SPATC1: variants seen among roughly 807,000 people sequenced by gnomAD.
The protein encoded by SPATC1 is spermatogenesis and centriole associated 1, also known as speriolin.
In SPATC1, 35 loss-of-function variants were observed where a neutral mutation model predicts 36.5. The ratio of observed to expected loss-of-function variants is 0.96; its 90% confidence interval spans 0.73 to 1.27. The LOEUF is 1.27. Ranked by LOEUF, SPATC1 falls within the 50% of genes most tolerant of loss-of-function variation. The pLI, the probability that SPATC1 is intolerant of heterozygous loss-of-function variation, is 0.00. For synonymous variants in SPATC1, 361 were observed against 353.6 expected, an observed-to-expected ratio of 1.02 and a Z score of -0.24; for missense variants, 779 against 796.0, an observed-to-expected ratio of 0.98 and a Z score of 0.26.
intron 4 of SPATC1, among the ~76,000 whole-genome samples, chr8:144,044,936 G>C (rs141718994): frequency 6.6e-5 from 10 of 152,282 alleles, no homozygotes; most frequent in Admixed American, 2.0e-4. Context: ...GCAACACAGC[G>C]AGACTCCGTC....
At chr8:144,041,875 T>G in intron 4 of SPATC1, 1 of 852,194 alleles carries the variant, frequency 1.2e-6, no homozygotes, top group Non-Finnish European at 1.4e-6. Flanking sequence ...GTGTGTAGCC[T>G]AAGCGGGAGC....
In SPATC1 at chr8:144,013,200, G is replaced by A. The variant is rs111915062; in HGVS notation, c.211+474G>A. 1.6e-3 allele frequency among the ~76,000 whole-genome samples: 237 copies of A among 152,182 alleles called. 1 individual carries two copies. Among genetic ancestry groups the A allele is most frequent in the Non-Finnish European group, 2.7e-3 (186 of 68,006 alleles). On this transcript the variant is annotated intron_variant, in intron 1 of 4. Transcript: ENST00000377470. Reference sequence around the variant, plus strand: ...CCACCTCTGCATGGCATCTGAGATCGATAGCCCTCCTCCATGACCCTCTTT... The same window carrying A: ...CCACCTCTGCATGGCATCTGAGATCAATAGCCCTCCTCCATGACCCTCTTT...
At position 144,040,336 on chromosome 8, in the gene SPATC1, G is replaced by T; in HGVS notation, c.639G>T (p.Leu213=). Residue 213 remains leucine (L), a synonymous_variant, in exon 2 of 5, where the codon CTG becomes CTT. Transcript: ENST00000377470. The part of the protein sequence containing the change: ...TATPPGVSQN[L]LANPMSNLVL... ...CCCCACCAGGGGTCTCTCAGAACCTGCTGGCCAACCCCATGAGCAACCTGG... is the reference window on the plus strand; with the variant it reads ...CCCCACCAGGGGTCTCTCAGAACCTTCTGGCCAACCCCATGAGCAACCTGG... 1 of 1,612,698 alleles carries T rather than the reference G, an allele frequency of 6.2e-7. No individual in the cohort carries two copies. Among genetic ancestry groups the T allele is most frequent in the Admixed American group, 1.7e-5 (1 of 60,012 alleles).
Position 144,046,900 on chromosome 8 carries a change from C to G in SPATC1, c.1720C>G (p.Leu574Val). The G allele has an allele frequency of 6.3e-7, 1 of 1,599,186 alleles. No homozygotes were observed. Among genetic ancestry groups the G allele is most frequent in the Non-Finnish European group, 8.5e-7 (1 of 1,179,700 alleles). ...PGMLADALLL[L>V]SCLSQLAHDD... ...CATGCTCGCCGACGCGCTGCTGCTG[C>G]TCTCCTGCCTCAGCCAGCTGGCGCA... The change falls in exon 5 of 5, where the codon CTC becomes GTC. Residue 574 changes from leucine to valine, a missense_variant. Coordinates refer to ENST00000377470, the MANE Select transcript of SPATC1 (RefSeq NM_198572.3). This position sits in a 1 kb window ranked among gnomAD's most constrained non-coding sequence, Gnocchi z 6.6.
Position 144,040,913 on chromosome 8 carries a change from C to T in SPATC1, c.1112C>T (p.Ser371Phe), listed in dbSNP as rs1564279413. 1 of 1,592,834 alleles carries T rather than the reference C, an allele frequency of 6.3e-7. No individual in the cohort carries two copies. Among genetic ancestry groups the T allele is most frequent in the Non-Finnish European group, 8.6e-7 (1 of 1,167,966 alleles). ...CATCCCCCTTCCCGAATGCATAATT[C>T]CCCAACCCAGAACCTGCCTGTCCCC... is the stretch of plus-strand genomic sequence containing the variant. ...APHPPSRMHNSPTQNLPVPHC... is the reference protein window; with the variant it reads ...APHPPSRMHNFPTQNLPVPHC... Residue 371 changes from serine to phenylalanine, a missense_variant, in exon 3 of 5, where the codon TCC (serine) becomes TTC (phenylalanine). Transcript: ENST00000377470.
At chr8:144,024,780 CCT>C (rs1834639610) in intron 1 of SPATC1, among the ~76,000 whole-genome samples, 1 of 114,694 alleles carries the variant, frequency 8.7e-6, no homozygotes, top group Non-Finnish European at 1.9e-5. Flanking sequence ...CCCCTCAAGA[CCT>C]ACCCTCTCCC....
chr8:144,021,300 C>A (rs1310976836), intron 1 of SPATC1, among the ~76,000 whole-genome samples: 13 of 120,630 alleles, frequency 1.1e-4, no homozygotes, highest in Non-Finnish European at 1.8e-4. Flanking sequence ...CCCCTCAGGA[C>A]CCTCTTCCCT....
At chr8:144,043,797 C>G (rs984024810) in intron 4 of SPATC1, among the ~76,000 whole-genome samples, 2 of 151,326 alleles carry the variant, frequency 1.3e-5, no homozygotes, top group African/African-American at 4.9e-5. Context: ...TGTGTTCAGA[C>G]AGAGATTCTG....
intron 4 of SPATC1, among the ~76,000 whole-genome samples, chr8:144,043,196 T>G (rs2129672162): frequency 6.6e-6 from 1 of 152,028 alleles, no homozygotes; most frequent in South Asian, 2.1e-4. Context: ...GGTTTTGCCA[T>G]GTTGGCCAGG....
intron 1 of SPATC1, among the ~76,000 whole-genome samples, chr8:144,037,536 C>T (rs542348356): frequency 1.8e-3 from 277 of 152,272 alleles, no homozygotes; most frequent in Non-Finnish European, 3.0e-3. Context: ...GAAACATGCG[C>T]TGTGTCCACT....
chr8:144,014,045 G>A (rs781912456), intron 1 of SPATC1, among the ~76,000 whole-genome samples: 1 of 152,134 alleles, frequency 6.6e-6, no homozygotes, highest in Non-Finnish European at 1.5e-5. Flanking sequence ...GAGGTCAGGA[G>A]TTTGAGACCA....
chr8:144,040,634 G>A lies in SPATC1; in HGVS notation c.833G>A (p.Gly278Glu). ...DPEPLSMAFAGAPLQTSTPIG... is the reference protein window; with the variant it reads ...DPEPLSMAFAEAPLQTSTPIG... The stretch of plus-strand genomic sequence containing the variant: ...GAGCCTCTCAGCATGGCGTTTGCAG[G>A]AGCACCCCTCCAGACCTCCACCCCT... The change falls in exon 3 of 5, where the codon GGA becomes GAA. Residue 278 changes from glycine (G) to glutamate (E), a missense_variant. Gly to Glu is a moderately conservative substitution (Grantham distance 98, BLOSUM62 -2). Coordinates refer to ENST00000377470, the MANE Select transcript of SPATC1 (RefSeq NM_198572.3). The A allele has an allele frequency of 6.2e-7, 1 of 1,612,678 alleles. No homozygotes were observed.
At chr8:144,041,424 C>T in intron 4 of SPATC1, 53 bp downstream of exon 4, 5 of 1,586,846 alleles carry the variant, frequency 3.2e-6, no homozygotes, top group Non-Finnish European at 4.3e-6. Context: ...CCATGAGGGG[C>T]CGTGGGGACC....
rs996984563 is a variant in SPATC1, at chr8:144,030,203, T to C, written c.212-9706T>C. ...TGTCTTTCGATCTAAAGTGAGTCTC[T>C]TTTAGGCAGCATATAATAGGAACAT... On this transcript the variant is annotated intron_variant, in intron 1 of 4. Coordinates refer to ENST00000377470, the MANE Select transcript of SPATC1 (RefSeq NM_198572.3). 6.6e-5 allele frequency among the ~76,000 whole-genome samples: 10 copies of C among 152,346 alleles called. No homozygotes were observed. The East Asian group carries it at 1.9e-3, about 29-fold the overall frequency.
chr8:144,040,606 C>T lies in SPATC1; in HGVS notation c.805C>T (p.Pro269Ser). The change falls in exon 3 of 5, where the codon CCA becomes TCA. Residue 269 changes from proline (P) to serine (S), a missense_variant. Physicochemically the swap from Pro to Ser is moderately conservative, Grantham distance 74. Coordinates refer to ENST00000377470, the MANE Select transcript of SPATC1 (RefSeq NM_198572.3). ...STEPPQSTQD[P>S]EPLSMAFAGA... ...TGAGCCCCCCCAGTCGACCCAGGAC[C>T]CAGAGCCTCTCAGCATGGCGTTTGC... 6.2e-7 allele frequency: 1 copy of T among 1,609,960 alleles called. No individual in the cohort carries two copies. Among genetic ancestry groups the T allele is most frequent in the Non-Finnish European group, 8.5e-7 (1 of 1,177,842 alleles).
upstream of SPATC1, among the ~76,000 whole-genome samples, chr8:144,011,267 T>C (rs985195914): frequency 1.3e-5 from 2 of 151,842 alleles, no homozygotes; most frequent in Non-Finnish European, 2.9e-5. This position sits in a 1 kb window ranked among gnomAD's most constrained non-coding sequence, Gnocchi z 4.5. Flanking sequence ...GTTAGAGGGG[T>C]GACTGAAGAG....
chr8:144,039,924 C>A lies in SPATC1; in HGVS notation c.227C>A (p.Pro76Gln), dbSNP rs782224940. 6.2e-7 allele frequency: 1 copy of A among 1,613,378 alleles called. No homozygotes were observed. Among genetic ancestry groups the A allele is most frequent in the South Asian group, 1.1e-5 (1 of 91,048 alleles). Residue 76 changes from proline to glutamine, a missense_variant, in exon 2 of 5, where the codon CCG becomes CAG. By Grantham distance (76) the Pro-to-Gln change is moderately conservative (BLOSUM62 -1). Transcript: ENST00000377470. ...GTGTTCCCAGGTGTCTTCCTGCCCC[C>A]GTCCCCAGCAGTGGCAAACGAACGA... ...SRQNNGVFLP[P>Q]SPAVANERVL...
chr8:144,038,181 T>C (rs1432592545), intron 1 of SPATC1, among the ~76,000 whole-genome samples: 2 of 149,110 alleles, frequency 1.3e-5, no homozygotes, highest in Admixed American at 6.7e-5. Flanking sequence ...ATGCCTGTAA[T>C]CCCAGTACTT....
At chr8:144,018,419 G>A (rs999647951) in intron 1 of SPATC1, among the ~76,000 whole-genome samples, 33 of 152,298 alleles carry the variant, frequency 2.2e-4, no homozygotes, top group African/African-American at 7.2e-4. Context: ...GGAGAGGGCA[G>A]TAGCTGGGAG....
Sources: gnomAD v4.1 joint callset for allele counts (sites outside exome capture counted in the v4.1 genomes callset) on GRCh38, gnomAD v4.1.1 for gene constraint, Gnocchi (gnomAD v3.1) non-coding constraint, MANE v1.5 for transcripts, NCBI Gene and HGNC (gene_info 2026-07-23, HGNC 2026-07-21) for gene names.